The following TIAM1 variants were observed in gnomAD, a reference collection of about 807,000 sequenced individuals.
TIAM1 encodes the protein TIAM Rac1 associated GEF 1, also known as rho guanine nucleotide exchange factor TIAM1.
Under a neutral mutation model 163.5 loss-of-function variants are expected in TIAM1, and 65 were observed. The ratio of observed to expected loss-of-function variants is 0.40; its 90% CI spans 0.33 to 0.49. TIAM1 has a LOEUF of 0.49. TIAM1 is among the 20% of genes least tolerant of loss of function. The probability of loss-of-function intolerance (pLI) is 0.77; values close to 1 mark genes in which losing one functional copy is unlikely to be tolerated. For missense variants in TIAM1, 1,789 were observed against 2,044.7 expected (o/e 0.87, Z 2.41); for synonymous variants, 833 against 810.1 (o/e 1.03, Z -0.48).
chr21:31,549,861 C>A (rs11702272), intron 1 of TIAM1, among the ~76,000 whole-genome samples: 1 of 152,304 alleles, frequency 6.6e-6, no homozygotes, highest in African/African-American at 2.4e-5. Flanking sequence ...TGGTGGCTCA[C>A]GCCTGTAATC....
intron 1 of TIAM1, among the ~76,000 whole-genome samples, chr21:31,499,013 G>C (rs535289912): frequency 6.6e-6 from 1 of 151,344 alleles, no homozygotes; most frequent in African/African-American, 2.4e-5. Flanking sequence ...GGAGGGGAGG[G>C]GGAAAGGAAG....
At chr21:31,313,309 G>A (rs1266147478) in intron 2 of TIAM1, among the ~76,000 whole-genome samples, 1 of 152,118 alleles carries the variant, frequency 6.6e-6, no homozygotes, top group African/African-American at 2.4e-5. Context: ...GGGGTGAGGA[G>A]GAGTACACCA....
chr21:31,407,628 A>ATTT (rs2077268976), intron 2 of TIAM1, among the ~76,000 whole-genome samples: 2 of 133,152 alleles, frequency 1.5e-5, no homozygotes, highest in African/African-American at 6.4e-5. Context: ...ATTTGCTCTT[A>ATTT]ATTTTTTTTT....
chr21:31,217,099 C>T (rs970980909), intron 9 of TIAM1, among the ~76,000 whole-genome samples: 1 of 151,576 alleles, frequency 6.6e-6, no homozygotes. Flanking sequence ...CCCAGCTACT[C>T]GGGAGGCTGA....
chr21:31,281,364 A>G (rs1001999439), intron 2 of TIAM1, among the ~76,000 whole-genome samples: 3 of 152,302 alleles, frequency 2.0e-5, no homozygotes, highest in Non-Finnish European at 4.4e-5. Flanking sequence ...CTTTTCTTAT[A>G]GGAAAGAAAT....
chr21:31,296,778 C>T (rs1206638481), intron 2 of TIAM1, among the ~76,000 whole-genome samples: 2 of 152,136 alleles, frequency 1.3e-5, no homozygotes, highest in Non-Finnish European at 2.9e-5. Context: ...ATTCTCCTGC[C>T]TCAGCCTCCA....
At chr21:31,191,110 C>T (rs572998855) in intron 13 of TIAM1, among the ~76,000 whole-genome samples, 3 of 152,186 alleles carry the variant, frequency 2.0e-5, no homozygotes, top group Admixed American at 6.5e-5. Flanking sequence ...AACCCGAGCA[C>T]GGAGAAGAAA....
At chr21:31,356,203 T>C (rs2076314529) in intron 2 of TIAM1, among the ~76,000 whole-genome samples, 2 of 152,186 alleles carry the variant, frequency 1.3e-5, no homozygotes, top group Non-Finnish European at 2.9e-5. Context: ...ATAGGAGAAA[T>C]AGACATTTAT....
At chr21:31,260,247 T>G (rs960608633) in intron 4 of TIAM1, among the ~76,000 whole-genome samples, 1 of 148,492 alleles carries the variant, frequency 6.7e-6, no homozygotes, top group South Asian at 2.1e-4. Flanking sequence ...TATATACTTT[T>G]TTTTTTTTGA....
intron 11 of TIAM1, among the ~76,000 whole-genome samples, chr21:31,208,857 G>A (rs891599185): frequency 3.9e-5 from 6 of 152,138 alleles, no homozygotes; most frequent in Non-Finnish European, 7.3e-5. Flanking sequence ...AAGTCATTCA[G>A]TATTTACAAA....
At chr21:31,458,112 A>G (rs1602328338) in intron 2 of TIAM1, among the ~76,000 whole-genome samples, 1 of 152,274 alleles carries the variant, frequency 6.6e-6, no homozygotes, top group East Asian at 1.9e-4. Context: ...GGGCTACCCT[A>G]ACACATGAGG....
chr21:31,556,370 C>G (rs933048937), intron 1 of TIAM1, among the ~76,000 whole-genome samples: 2 of 152,192 alleles, frequency 1.3e-5, no homozygotes, highest in East Asian at 1.9e-4. Context: ...AGAGACAGAG[C>G]GCAATCCTGA....
chr21:31,435,258 C>T (rs890634178), intron 2 of TIAM1, among the ~76,000 whole-genome samples: 2 of 152,074 alleles, frequency 1.3e-5, no homozygotes, highest in Non-Finnish European at 1.5e-5. Flanking sequence ...AAATGCTCTT[C>T]GTCTTCAAGT....
intron 16 of TIAM1, 36 bp downstream of exon 16, chr21:31,164,926 T>G (rs1029233733): frequency 6.3e-7 from 1 of 1,599,888 alleles, no homozygotes; most frequent in African/African-American, 1.3e-5. Flanking sequence ...TCTTCAGTGG[T>G]TCAAAGCATG....
Position 31,494,222 on chromosome 21 carries a change from A to G in TIAM1, c.-421-30187T>C, listed in dbSNP as rs1376104942. ...AGTCACTGTGCCCGGCCCATCTAAT[A>G]ATTTATTTCTGTACCCTCTACAGGC... is the stretch of plus-strand genomic sequence containing the variant. On this transcript the variant is annotated intron_variant, in intron 1 of 28. Transcript: ENST00000286827. Among the ~76,000 whole-genome samples the G allele has an allele frequency of 3.3e-5, 5 of 152,134 alleles. 1 individual carries two copies. The South Asian group carries it at 8.3e-4, about 25-fold the overall frequency.
At chr21:31,421,536 G>A (rs1301312811) in intron 2 of TIAM1, among the ~76,000 whole-genome samples, 1 of 152,200 alleles carries the variant, frequency 6.6e-6, no homozygotes, top group Non-Finnish European at 1.5e-5. Flanking sequence ...AACGGCGCAC[G>A]CGAGGGATCT....
chr21:31,470,205 A>G (rs2045691931), intron 1 of TIAM1, among the ~76,000 whole-genome samples: 1 of 151,694 alleles, frequency 6.6e-6, no homozygotes, highest in Non-Finnish European at 1.5e-5. Flanking sequence ...GGGTTTCACC[A>G]TATTGGCCAG....
intron 2 of TIAM1, among the ~76,000 whole-genome samples, chr21:31,354,454 C>G (rs1168273002): frequency 6.6e-6 from 1 of 151,938 alleles, no homozygotes; most frequent in African/African-American, 2.4e-5. Context: ...TTCACAGAAC[C>G]AAGGACCCCC....
intron 1 of TIAM1, among the ~76,000 whole-genome samples, chr21:31,538,559 C>T (rs2048215332): frequency 6.6e-6 from 1 of 152,110 alleles, no homozygotes; most frequent in Non-Finnish European, 1.5e-5. Context: ...GATATCACCC[C>T]GTTTACAGCA....
Sources: allele counts gnomAD v4.1 joint callset (sites outside exome capture counted in the v4.1 genomes callset), GRCh38; gene constraint gnomAD v4.1.1; transcripts MANE v1.5; gene names NCBI Gene and HGNC (gene_info 2026-07-23, HGNC 2026-07-21).